The following ZFPM2 variants were observed in gnomAD, a reference collection of about 807,000 sequenced individuals.
ZFPM2 encodes the protein zinc finger protein, FOG family member 2, also known as zinc finger protein ZFPM2.
Under a neutral mutation model 98.6 loss-of-function variants are expected in ZFPM2, and 20 were observed. That is an observed-to-expected ratio of 0.20 (90% confidence interval 0.14 to 0.29). The LOEUF (loss-of-function observed/expected upper bound fraction) is 0.29, where lower values mean the gene tolerates loss of function less well. ZFPM2 is among the 10% of genes least tolerant of loss of function. ZFPM2 has a pLI of 1.00. For synonymous variants in ZFPM2, 518 were observed against 502.7 expected, an observed-to-expected ratio of 1.03 and a Z score of -0.41; for missense variants, 1,310 against 1,388.6, an observed-to-expected ratio of 0.94 and a Z score of 0.90.
At chr8:105,553,480 G>T (rs546623689) in intron 3 of ZFPM2, among the ~76,000 whole-genome samples, 40 of 152,174 alleles carry the variant, frequency 2.6e-4, no homozygotes, top group Non-Finnish European at 5.0e-4. Context: ...CCATTCCAGT[G>T]TGTTGTGTTA....
intron 1 of ZFPM2, among the ~76,000 whole-genome samples, chr8:105,353,025 CAT>C (rs1332713006): frequency 1.3e-5 from 2 of 152,148 alleles, no homozygotes; most frequent in African/African-American, 4.8e-5. Context: ...AGCTTGAAAA[CAT>C]ACTACCTAGA....
Position 105,801,518 on chromosome 8 carries a change from T to C in ZFPM2, c.1436T>C (p.Leu479Pro), listed in dbSNP as rs1586283783. The C allele has an allele frequency of 1.2e-6, 2 of 1,613,972 alleles. No homozygotes were observed. Among genetic ancestry groups the C allele is most frequent in the Non-Finnish European group, 1.7e-6 (2 of 1,179,860 alleles). The change falls in exon 8 of 8, where the codon CTT becomes CCT. Residue 479 changes from leucine (L) to proline (P), a missense_variant. Coordinates refer to ENST00000407775, the MANE Select transcript of ZFPM2 (RefSeq NM_012082.4). ...KIKSEPSSPR[L>P]ASSPVQPNIG... Reference sequence around the variant, plus strand: ...AAGTCTGAGCCCTCTAGCCCAAGACTTGCCTCATCTCCAGTTCAGCCTAAT... The same window carrying C: ...AAGTCTGAGCCCTCTAGCCCAAGACCTGCCTCATCTCCAGTTCAGCCTAAT...
At chr8:105,500,348 A>C (rs1813566138) in intron 3 of ZFPM2, among the ~76,000 whole-genome samples, 1 of 152,208 alleles carries the variant, frequency 6.6e-6, no homozygotes, top group Non-Finnish European at 1.5e-5. Context: ...GAGAATAAAC[A>C]GAATAGTTGA....
At chr8:105,630,528 GC>G (rs1816738034) in intron 4 of ZFPM2, among the ~76,000 whole-genome samples, 1 of 151,730 alleles carries the variant, frequency 6.6e-6, no homozygotes, top group South Asian at 2.1e-4. Context: ...TTTTTCTTCT[GC>G]CTTATTGATT....
chr8:105,649,719 C>G (rs1361608641), intron 5 of ZFPM2, among the ~76,000 whole-genome samples: 1 of 152,132 alleles, frequency 6.6e-6, no homozygotes, highest in East Asian at 1.9e-4. Context: ...CCTTGCATCC[C>G]AGGGATGAAG....
chr8:105,329,837 T>A (rs1812179200), intron 1 of ZFPM2, among the ~76,000 whole-genome samples: 5 of 151,760 alleles, frequency 3.3e-5, no homozygotes, highest in African/African-American at 7.2e-5. Flanking sequence ...GTGCTGTAAT[T>A]AATTTGCTGA....
At chr8:105,408,221 A>G (rs1250339178) in intron 1 of ZFPM2, among the ~76,000 whole-genome samples, 3 of 151,958 alleles carry the variant, frequency 2.0e-5, no homozygotes, top group Non-Finnish European at 4.4e-5. Flanking sequence ...TCTTAAAATT[A>G]TAGCTATGTC....
Position 105,788,714 on chromosome 8 carries a change from A to T in ZFPM2, c.533-4A>T, listed in dbSNP as rs138466839. 5.0e-4 allele frequency: 811 copies of T among 1,613,772 alleles called. 2 individuals carry two copies. The African/African-American group carries it at 9.7e-3, about 19-fold the overall frequency. The stretch of plus-strand genomic sequence containing the variant: ...TTTATCTTTTTCTTTTTTCTTCTTA[A>T]TAGGGGGTCAGCTTTGGTGTACAAC... On this transcript the variant is annotated splice_region_variant and splice_polypyrimidine_tract_variant and intron_variant, in intron 5 of 7. Transcript: ENST00000407775.
Position 105,380,725 on chromosome 8 carries a change from TA to T in ZFPM2, c.41-38417del, listed in dbSNP as rs1168048408. Among the ~76,000 whole-genome samples, 3 of 40,038 alleles carry T rather than the reference TA, an allele frequency of 7.5e-5. No homozygotes were observed. In the Admixed American group the frequency reaches 1.5e-3, roughly 20 times the overall value. The allele number at this position is 40,038 out of a possible 152,430, so 26.3% of individuals were successfully genotyped here. A position where few individuals can be genotyped will look rare whatever the true frequency, so the allele number is the denominator to read the frequency against. On this transcript the variant is annotated intron_variant, in intron 1 of 7. Transcript: ENST00000407775. The stretch of plus-strand genomic sequence containing the variant: ...ATATAATATATATATATATTATATA[TA>T]ACATATATATTATATATATATGTTA...
At position 105,362,209 on chromosome 8, in the gene ZFPM2, T is replaced by C. The variant is rs1810414043; in HGVS notation, c.40+43228T>C. Among the ~76,000 whole-genome samples, 5 of 152,270 alleles carry C rather than the reference T, an allele frequency of 3.3e-5. No individual in the cohort carries two copies. In the South Asian group the frequency reaches 1.0e-3, roughly 32 times the overall value. On this transcript the variant is annotated intron_variant, in intron 1 of 7. Transcript: ENST00000407775. ...TTCAAGTCATCTAGAAGTAAAATCA[T>C]ATTGCATAGGAGATTCTAAAGCACT...
At chr8:105,699,668 G>T (rs1317643365) in intron 5 of ZFPM2, among the ~76,000 whole-genome samples, 1 of 151,900 alleles carries the variant, frequency 6.6e-6, no homozygotes, top group Non-Finnish European at 1.5e-5. Flanking sequence ...GAATTAATGC[G>T]CTGTAACTGT....
At position 105,430,031 on chromosome 8, in the gene ZFPM2, A is replaced by G. The variant is rs558875587; in HGVS notation, c.199+10729A>G. Reference sequence around the variant, plus strand: ...TGAAACTTGGATAATTCAAATAAATACTGGGTGTCGCTTCAGAATTCTGAG... The same window carrying G: ...TGAAACTTGGATAATTCAAATAAATGCTGGGTGTCGCTTCAGAATTCTGAG... On this transcript the variant is annotated intron_variant, in intron 2 of 7. Transcript: ENST00000407775. Among the ~76,000 whole-genome samples the G allele has an allele frequency of 7.2e-5, 11 of 152,280 alleles. No individual in the cohort carries two copies. In the South Asian group the frequency reaches 2.3e-3, roughly 32 times the overall value.
chr8:105,573,648 T>C (rs1449681478), intron 4 of ZFPM2, among the ~76,000 whole-genome samples: 1 of 152,234 alleles, frequency 6.6e-6, no homozygotes, highest in African/African-American at 2.4e-5. Context: ...ATTTAGATAT[T>C]AATTTTGCAA....
intron 5 of ZFPM2, among the ~76,000 whole-genome samples, chr8:105,637,769 C>T (rs1036674649): frequency 4.6e-5 from 7 of 152,214 alleles, no homozygotes; most frequent in South Asian, 2.1e-4. Context: ...CGTCTGTCTC[C>T]ACAATCTGTA....
At chr8:105,330,486 G>C (rs1251759161) in intron 1 of ZFPM2, among the ~76,000 whole-genome samples, 2 of 145,010 alleles carry the variant, frequency 1.4e-5, no homozygotes, top group Non-Finnish European at 3.0e-5. Flanking sequence ...AAATGACCTA[G>C]TTTCTTCTAT....
intron 1 of ZFPM2, among the ~76,000 whole-genome samples, chr8:105,404,317 C>A (rs1398696987): frequency 2.0e-5 from 3 of 151,968 alleles, no homozygotes; most frequent in Non-Finnish European, 4.4e-5. Context: ...AATTTATTGT[C>A]TAGCCTATTT....
intron 5 of ZFPM2, among the ~76,000 whole-genome samples, chr8:105,657,131 G>A (rs1244990629): frequency 6.6e-6 from 1 of 151,968 alleles, no homozygotes; most frequent in Admixed American, 6.6e-5. Context: ...TGCTATTAAT[G>A]CTTTTCTATT....
chr8:105,730,169 T>G (rs1253168428), intron 5 of ZFPM2, among the ~76,000 whole-genome samples: 1 of 151,722 alleles, frequency 6.6e-6, no homozygotes, highest in Non-Finnish European at 1.5e-5. Context: ...GTTAGGTTAC[T>G]GAGTTCTTTG....
At chr8:105,365,623 T>C (rs1269535544) in intron 1 of ZFPM2, among the ~76,000 whole-genome samples, 1 of 152,188 alleles carries the variant, frequency 6.6e-6, no homozygotes, top group Non-Finnish European at 1.5e-5. Flanking sequence ...CAGTGGTTTT[T>C]GTTTGCTTGT....
Sources: gnomAD v4.1 joint callset for allele counts (sites outside exome capture counted in the v4.1 genomes callset) on GRCh38, gnomAD v4.1.1 for gene constraint, MANE v1.5 for transcripts, NCBI Gene and HGNC (gene_info 2026-07-23, HGNC 2026-07-21) for gene names.